MCM3: variants seen among roughly 807,000 people sequenced by gnomAD.
The protein encoded by MCM3 is minichromosome maintenance complex component 3, also known as DNA replication licensing factor MCM3.
MCM3 carries 59 observed loss-of-function variants against 91.3 expected under a neutral mutation model. The ratio of observed to expected loss-of-function variants is 0.65; its 90% CI spans 0.52 to 0.80. MCM3 has a LOEUF of 0.80. MCM3 is among the 30% of genes least tolerant of loss of function. The pLI is 0.00. For synonymous variants in MCM3, 383 were observed against 379.6 expected (o/e 1.01, Z -0.10); for missense variants, 919 against 1,035.4 (o/e 0.89, Z 1.54).
At position 52,282,274 on chromosome 6, in the gene MCM3, G is replaced by GT. The variant is rs559278578; in HGVS notation, c.401-100dup. On this transcript the variant is annotated intron_variant, in intron 3 of 16. Coordinates refer to ENST00000596288, the MANE Select transcript of MCM3 (RefSeq NM_002388.6). The stretch of plus-strand genomic sequence containing the variant: ...AGCCTATAATGACTCCAAATACTGT[G>GT]TTTTTTTGACTAGGTTACGATATTT... 1.4e-4 allele frequency: 156 copies of GT among 1,101,340 alleles called. No homozygotes were observed. In the African/African-American group the frequency reaches 2.0e-3, roughly 14 times the overall value. 68.2% of individuals were successfully genotyped at this position (1,101,340 alleles called of 1,614,324 possible). A position where few individuals can be genotyped will look rare whatever the true frequency, so the allele number is the denominator to read the frequency against.
In MCM3 at chr6:52,282,809, C is replaced by T. The variant is rs754087825; in HGVS notation, c.244G>A (p.Asp82Asn). 2 of 1,614,074 alleles carry T rather than the reference C, an allele frequency of 1.2e-6. No homozygotes were observed. Among genetic ancestry groups the T allele is most frequent in the Non-Finnish European group, 1.7e-6 (2 of 1,180,028 alleles). Residue 82 changes from aspartate to asparagine, a missense_variant, in exon 3 of 17, where the codon GAT (aspartate) becomes AAT (asparagine). Physicochemically the swap from Asp to Asn is conservative, Grantham distance 23. Coordinates refer to ENST00000596288, the MANE Select transcript of MCM3 (RefSeq NM_002388.6). ...GTAGCATCAATGGAGGCCACAAAATCCTTTAAGGCCCGCTGGAAGGCAACC... is the reference window on the plus strand; with the variant it reads ...GTAGCATCAATGGAGGCCACAAAATTCTTTAAGGCCCGCTGGAAGGCAACC... ...ELVAFQRALK[D>N]FVASIDATYA...
chr6:52,283,220 G>A lies in MCM3; in HGVS notation c.191+74C>T, dbSNP rs544790097. ...CTGTTTCATACAAGTCCTCTCCTGAGAGGCTGTTCCAATCTGGCCAAGAGG... is the reference window on the plus strand; with the variant it reads ...CTGTTTCATACAAGTCCTCTCCTGAAAGGCTGTTCCAATCTGGCCAAGAGG... On this transcript the variant is annotated intron_variant, in intron 2 of 16. Transcript: ENST00000596288. The A allele has an allele frequency of 4.2e-6, 5 of 1,195,424 alleles. No homozygotes were observed. In the African/African-American group the frequency reaches 6.0e-5, roughly 14 times the overall value. The allele number at this position is 1,195,424 out of a possible 1,614,324, so 74.1% of individuals were successfully genotyped here. A position where few individuals can be genotyped will look rare whatever the true frequency, so the allele number is the denominator to read the frequency against.
chr6:52,269,252 T>C (rs749684399), intron 12 of MCM3, 26 bp from the exon 13 acceptor site: 2 of 1,593,842 alleles, frequency 1.3e-6, no homozygotes, highest in Admixed American at 3.4e-5. Flanking sequence ...GAGGATTGCT[T>C]ATCCCAAGTC....
chr6:52,275,303 C>T (rs929056822), intron 9 of MCM3, among the ~76,000 whole-genome samples: 2 of 152,208 alleles, frequency 1.3e-5, no homozygotes, highest in African/African-American at 4.8e-5. Flanking sequence ...GCTCTGGGCT[C>T]AAATCCTGGC....
chr6:52,268,907 C>A (rs1247058988), intron 13 of MCM3, among the ~76,000 whole-genome samples, 179 bp downstream of exon 13: 2 of 152,172 alleles, frequency 1.3e-5, no homozygotes, highest in East Asian at 3.8e-4. Flanking sequence ...CTGGTGCAGT[C>A]AGGGTTGAGA....
intron 12 of MCM3, among the ~76,000 whole-genome samples, chr6:52,271,928 G>C (rs900046806): frequency 1.3e-5 from 2 of 151,824 alleles, no homozygotes; most frequent in African/African-American, 4.8e-5. Flanking sequence ...AAATATGTAC[G>C]GAAGTCTTTC....
chr6:52,274,048 A>C, intron 9 of MCM3, 132 bp from the exon 10 acceptor site: 1 of 653,770 alleles, frequency 1.5e-6, no homozygotes, highest in Non-Finnish European at 2.6e-6. Flanking sequence ...AGCAGTGAAA[A>C]AGGGAAGTGT....
At position 52,276,358 on chromosome 6, in the gene MCM3, C is replaced by A; in HGVS notation, c.1284G>T (p.Gln428His). 1 of 1,614,098 alleles carries A rather than the reference C, an allele frequency of 6.2e-7. No individual in the cohort carries two copies. Among genetic ancestry groups the A allele is most frequent in the South Asian group, 1.1e-5 (1 of 91,066 alleles). Reference protein sequence around the residue: ...DRTAIHEVMEQGRVTIAKAGI... With the variant: ...DRTAIHEVMEHGRVTIAKAGI... ...CAGCCTTGGCAATGGTCACTCGACC[C>A]TGCTCCATCACTTCATGGATGGCTG... The change falls in exon 9 of 17, where the codon CAG (glutamine) becomes CAT (histidine). Residue 428 changes from glutamine to histidine, a missense_variant. Transcript: ENST00000596288.
intron 2 of MCM3, among the ~76,000 whole-genome samples, 174 bp downstream of exon 2, chr6:52,283,120 G>A (rs1766277771): frequency 7.2e-6 from 1 of 139,442 alleles, no homozygotes; most frequent in Non-Finnish European, 1.5e-5. Context: ...GGAGGAAAAT[G>A]CCAACCACCC....
chr6:52,268,329 A>C (rs533089886), intron 13 of MCM3, among the ~76,000 whole-genome samples: 6 of 152,344 alleles, frequency 3.9e-5, no homozygotes, highest in Admixed American at 3.3e-4. Context: ...AAAAGCGAGG[A>C]AGAGTTTATC....
intron 8 of MCM3, 89 bp downstream of exon 8, chr6:52,276,978 C>A: frequency 6.7e-7 from 1 of 1,487,018 alleles, no homozygotes. Context: ...AACCTATCAG[C>A]TGTATCTTCA....
chr6:52,266,877 G>C (rs946815482), intron 14 of MCM3, among the ~76,000 whole-genome samples, 181 bp from the exon 15 acceptor site: 3 of 152,152 alleles, frequency 2.0e-5, no homozygotes, highest in Non-Finnish European at 2.9e-5. Flanking sequence ...CCCCAGACTA[G>C]AACACAAACA....
chr6:52,270,901 C>T (rs984892698), intron 12 of MCM3, among the ~76,000 whole-genome samples: 3 of 152,136 alleles, frequency 2.0e-5, no homozygotes, highest in Admixed American at 1.3e-4. Context: ...AACAGTGATG[C>T]TCTGCGCATG....
chr6:52,275,586 A>T (rs1415915055), intron 9 of MCM3, among the ~76,000 whole-genome samples: 1 of 152,236 alleles, frequency 6.6e-6, no homozygotes, highest in African/African-American at 2.4e-5. Flanking sequence ...TATACTACAG[A>T]TATATTCCCA....
intron 4 of MCM3, 61 bp from the exon 5 acceptor site, chr6:52,279,660 C>A: frequency 8.1e-7 from 1 of 1,230,202 alleles, no homozygotes; most frequent in Admixed American, 2.2e-5. Context: ...ATGCCACACT[C>A]ACCTGTCATG....
At chr6:52,268,620 T>C (rs528754260) in intron 13 of MCM3, among the ~76,000 whole-genome samples, 58 of 151,978 alleles carry the variant, frequency 3.8e-4, no homozygotes, top group African/African-American at 1.4e-3. Flanking sequence ...CAAACAGAAA[T>C]AGGGAAACAG....
At chr6:52,282,516 GC>G (rs1279111143) in intron 3 of MCM3, 136 bp downstream of exon 3, 2 of 706,222 alleles carry the variant, frequency 2.8e-6, no homozygotes, top group Non-Finnish European at 4.9e-6. Flanking sequence ...TACACACTGA[GC>G]CCTCCAAGTT....
intron 10 of MCM3, 129 bp downstream of exon 10, chr6:52,273,613 A>G (rs1765318981): frequency 2.0e-6 from 2 of 978,938 alleles, no homozygotes; most frequent in South Asian, 1.7e-5. Flanking sequence ...GGAGGTGGCT[A>G]AACAGTTGAG....
At chr6:52,274,040 C>T in intron 9 of MCM3, 124 bp from the exon 10 acceptor site, 2 of 697,856 alleles carry the variant, frequency 2.9e-6, no homozygotes, top group Non-Finnish European at 4.7e-6. Context: ...AGACAAAAAG[C>T]AGTGAAAAAG....
Sources: gnomAD v4.1 joint callset for allele counts (sites outside exome capture counted in the v4.1 genomes callset) on GRCh38, gnomAD v4.1.1 for gene constraint, MANE v1.5 for transcripts, NCBI Gene and HGNC (gene_info 2026-07-23, HGNC 2026-07-21) for gene names.